ARFGEF3: variants seen among roughly 807,000 people sequenced by gnomAD.
ARFGEF3 encodes the protein brefeldin A-inhibited guanine nucleotide-exchange protein 3.
ARFGEF3 carries 96 observed loss-of-function variants against 221.7 expected under a neutral mutation model. The observed-to-expected ratio is 0.43, with a 90% confidence interval of 0.37 to 0.51. The LOEUF (loss-of-function observed/expected upper bound fraction) is 0.51, where lower values mean the gene tolerates loss of function less well. Among genes scored for constraint, ARFGEF3 ranks in the 20% least tolerant of loss-of-function variants. ARFGEF3 has a pLI of 0.00. For missense variants in ARFGEF3, 2,410 were observed against 2,789.9 expected (o/e 0.86, Z 3.07); for synonymous variants, 1,145 against 1,126.8 (o/e 1.02, Z -0.32).
At chr6:138,283,048 C>CT (rs927513860) in intron 14 of ARFGEF3, among the ~76,000 whole-genome samples, 1 of 150,036 alleles carries the variant, frequency 6.7e-6, no homozygotes, top group Non-Finnish European at 1.5e-5. Flanking sequence ...GAGACTCTGT[C>CT]TTTTTAAAAA....
intron 6 of ARFGEF3, among the ~76,000 whole-genome samples, chr6:138,242,270 A>G (rs1778405641): frequency 2.0e-5 from 3 of 152,230 alleles, no homozygotes. Flanking sequence ...GTCTCTTCTC[A>G]GTAGTCACTG....
chr6:138,246,000 G>A (rs1338575723), intron 8 of ARFGEF3, among the ~76,000 whole-genome samples: 1 of 152,194 alleles, frequency 6.6e-6, no homozygotes, highest in Non-Finnish European at 1.5e-5. Flanking sequence ...CCAAATGACA[G>A]CGTTGGACTG....
At chr6:138,190,741 A>G (rs1414422683) in intron 2 of ARFGEF3, among the ~76,000 whole-genome samples, 1 of 152,130 alleles carries the variant, frequency 6.6e-6, no homozygotes. Context: ...GGATTATTGC[A>G]GTGGTGCCAT....
intron 4 of ARFGEF3, among the ~76,000 whole-genome samples, chr6:138,220,766 A>C (rs1049674250): frequency 6.6e-6 from 1 of 152,196 alleles, no homozygotes; most frequent in African/African-American, 2.4e-5. Flanking sequence ...ATCACATATT[A>C]TCATCCAGCA....
intron 29 of ARFGEF3, 139 bp from the exon 30 acceptor site, chr6:138,323,532 A>C: frequency 2.7e-5 from 16 of 602,324 alleles, no homozygotes; most frequent in Non-Finnish European, 2.0e-5. Flanking sequence ...AATTGCTTGA[A>C]CCCGGGAGAT....
chr6:138,330,118 G>A (rs1780199420), intron 32 of ARFGEF3, among the ~76,000 whole-genome samples: 2 of 152,138 alleles, frequency 1.3e-5, no homozygotes, highest in East Asian at 3.9e-4. Context: ...CACTTCTTTT[G>A]TGGTGGAATG....
chr6:138,172,460 A>G (rs998988192), intron 2 of ARFGEF3, among the ~76,000 whole-genome samples: 3 of 152,196 alleles, frequency 2.0e-5, no homozygotes, highest in Admixed American at 6.5e-5. Flanking sequence ...CCTGGGGTAC[A>G]GAGATCTTGT....
chr6:138,321,732 A>G (rs781030964), intron 29 of ARFGEF3, among the ~76,000 whole-genome samples: 4 of 152,238 alleles, frequency 2.6e-5, no homozygotes, highest in Non-Finnish European at 4.4e-5. Context: ...TGCTGGGTAT[A>G]TACTCCAAAG....
At position 138,336,583 on chromosome 6, in the gene ARFGEF3, AACTACT is replaced by A. The variant is rs1780330682; in HGVS notation, c.*104_*109del. 1.0e-5 allele frequency: 10 copies of A among 955,160 alleles called. No individual in the cohort carries two copies. The African/African-American group carries it at 1.3e-4, about 13-fold the overall frequency. 59.2% of individuals were successfully genotyped at this position (955,160 alleles called of 1,614,324 possible). ...TTTTCCCCACCACTAGCCCCACTTA[AACTACT>A]ACTACTGTCTCAGAGAACAGTGTTT... On this transcript the variant is annotated 3_prime_UTR_variant, in exon 34 of 34. Transcript: ENST00000251691.
At chr6:138,163,076 C>T (rs1420859317) in intron 1 of ARFGEF3, among the ~76,000 whole-genome samples, 1 of 152,112 alleles carries the variant, frequency 6.6e-6, no homozygotes, top group Non-Finnish European at 1.5e-5. Context: ...AACCAAGAAC[C>T]ATCACTGTCT....
Position 138,307,378 on chromosome 6 carries a change from G to T in ARFGEF3, c.3954G>T (p.Leu1318=), listed in dbSNP as rs61752335. Residue 1318 remains leucine (L), a synonymous_variant, in exon 23 of 34, where the codon CTG becomes CTT. Transcript: ENST00000251691. ...GGNKSEMKEY[L]VGDYSMGKGQ... ...ACAAGTCAGAGATGAAGGAGTACCT[G>T]GTTGGTGACTACTCCATGGGTAAGA... The T allele has an allele frequency of 5.5e-3, 8,913 of 1,613,664 alleles. 48 individuals carry two copies. The highest frequency in any genetic ancestry group is 0.023 in the African/African-American group (1,719 of 75,002).
chr6:138,162,097 T>G lies in ARFGEF3; in HGVS notation c.11T>G (p.Ile4Ser). ...GCCTGGAAGGTCAAGATGGAAGAAATCCTGAGGAAGCTGCAGAAGGAGGCG... is the reference window on the plus strand; with the variant it reads ...GCCTGGAAGGTCAAGATGGAAGAAAGCCTGAGGAAGCTGCAGAAGGAGGCG... MEE[I>S]LRKLQKEASG... The change falls in exon 1 of 34, where the codon ATC becomes AGC. Residue 4 changes from isoleucine to serine, a missense_variant. Ile to Ser is a moderately radical substitution (Grantham distance 142). This residue lies in a region of ARFGEF3 where 570 missense variants were observed against 586.9 expected (regional missense o/e 0.97). Coordinates refer to ENST00000251691, the MANE Select transcript of ARFGEF3 (RefSeq NM_020340.5). The surrounding 1 kb of genome is among the most constrained non-coding windows in gnomAD (Gnocchi z 4.7). 6.3e-7 allele frequency: 1 copy of G among 1,599,202 alleles called. No homozygotes were observed. The highest frequency in any genetic ancestry group is 8.5e-7 in the Non-Finnish European group (1 of 1,172,676).
chr6:138,277,691 G>C (rs79863792), intron 12 of ARFGEF3, among the ~76,000 whole-genome samples: 71 of 152,172 alleles, frequency 4.7e-4, no homozygotes, highest in African/African-American at 1.6e-3. Flanking sequence ...TAGGCATTGG[G>C]GATTCTGTAG....
chr6:138,181,296 C>T (rs937313879), intron 2 of ARFGEF3, among the ~76,000 whole-genome samples: 3 of 152,166 alleles, frequency 2.0e-5, no homozygotes, highest in South Asian at 2.1e-4. Flanking sequence ...AATTATTAAT[C>T]TTCAGAAACA....
intron 14 of ARFGEF3, among the ~76,000 whole-genome samples, chr6:138,283,410 G>T (rs888842423): frequency 6.6e-6 from 1 of 152,220 alleles, no homozygotes; most frequent in Non-Finnish European, 1.5e-5. Flanking sequence ...GGAACAGTAA[G>T]CTCAATTGCT....
intron 4 of ARFGEF3, among the ~76,000 whole-genome samples, chr6:138,228,948 T>C (rs577477473): frequency 6.6e-6 from 1 of 152,356 alleles, no homozygotes; most frequent in South Asian, 2.1e-4. Flanking sequence ...GAGTAGCCTC[T>C]TACCTACAAA....
At chr6:138,172,181 T>C (rs538681082) in intron 2 of ARFGEF3, among the ~76,000 whole-genome samples, 90 of 152,328 alleles carry the variant, frequency 5.9e-4, no homozygotes, top group African/African-American at 2.1e-3. Context: ...GGCAACAACA[T>C]GTTTGTCTAG....
At chr6:138,314,563 C>T (rs1211931627) in intron 26 of ARFGEF3, among the ~76,000 whole-genome samples, 1 of 152,184 alleles carries the variant, frequency 6.6e-6, no homozygotes, top group Non-Finnish European at 1.5e-5. Flanking sequence ...AGACCAAAGG[C>T]ATGATTCATT....
intron 7 of ARFGEF3, among the ~76,000 whole-genome samples, chr6:138,244,251 G>C (rs1778444956): frequency 1.3e-5 from 2 of 152,048 alleles, no homozygotes; most frequent in African/African-American, 4.8e-5. Flanking sequence ...CTCTTTCCCT[G>C]CCTTCCTCCA....
Sources: gnomAD v4.1 joint callset for allele counts (sites outside exome capture counted in the v4.1 genomes callset) on GRCh38, gnomAD v4.1.1 for gene constraint, gnomAD v4.1.1 regional missense constraint, Gnocchi (gnomAD v3.1) non-coding constraint, MANE v1.5 for transcripts, NCBI Gene and HGNC (gene_info 2026-07-23, HGNC 2026-07-21) for gene names.